The following ITPK1 variants were observed in gnomAD, a reference collection of about 807,000 sequenced individuals.
ITPK1 encodes inositol-tetrakisphosphate 1-kinase.
ITPK1 carries 21 observed loss-of-function variants against 45.3 expected under a neutral mutation model. That is an observed-to-expected ratio of 0.46 (90% CI 0.33 to 0.67). The LOEUF (loss-of-function observed/expected upper bound fraction) is 0.67, where lower values mean the gene tolerates loss of function less well. Among genes scored for constraint, ITPK1 ranks in the 30% least tolerant of loss-of-function variants. The probability of loss-of-function intolerance (pLI) is 0.02; values close to 1 mark genes in which losing one functional copy is unlikely to be tolerated. For synonymous variants in ITPK1, 258 were observed against 253.6 expected, an observed-to-expected ratio of 1.02 and a Z score of -0.16; for missense variants, 474 against 573.5, an observed-to-expected ratio of 0.83 and a Z score of 1.77.
At chr14:93,033,835 G>A (rs149377188) in intron 3 of ITPK1, among the ~76,000 whole-genome samples, 144 of 152,220 alleles carry the variant, frequency 9.5e-4, no homozygotes, top group African/African-American at 3.2e-3. Flanking sequence ...GAGGGCTCTC[G>A]GGCAGCACAG....
intron 3 of ITPK1, among the ~76,000 whole-genome samples, chr14:93,028,238 A>G (rs1360534787): frequency 1.3e-5 from 2 of 152,246 alleles, no homozygotes; most frequent in African/African-American, 4.8e-5. Flanking sequence ...TGGCTGACGA[A>G]AAAGACTTGG....
At chr14:93,112,943 C>G (rs1892809504) in intron 2 of ITPK1, among the ~76,000 whole-genome samples, 1 of 152,242 alleles carries the variant, frequency 6.6e-6, no homozygotes, top group African/African-American at 2.4e-5. Flanking sequence ...TCCCTGGTCA[C>G]TGGCTCAACA....
intron 3 of ITPK1, among the ~76,000 whole-genome samples, chr14:93,025,970 T>C (rs1018640660): frequency 6.6e-6 from 1 of 152,054 alleles, no homozygotes; most frequent in Non-Finnish European, 1.5e-5. Flanking sequence ...TCTAAAAATA[T>C]AAAAAATTAG....
chr14:93,113,698 C>T (rs1892833148), intron 2 of ITPK1, among the ~76,000 whole-genome samples: 1 of 152,194 alleles, frequency 6.6e-6, no homozygotes, highest in Non-Finnish European at 1.5e-5. Context: ...GCTTCGAGCT[C>T]CTCCTGATTT....
At chr14:93,059,664 G>A (rs1309463167) in intron 3 of ITPK1, among the ~76,000 whole-genome samples, 1 of 50,228 alleles carries the variant, frequency 2.0e-5, no homozygotes. Flanking sequence ...TGTGGGTCAC[G>A]GTCACGAGGC....
intron 3 of ITPK1, among the ~76,000 whole-genome samples, chr14:93,062,250 G>A (rs572258079): frequency 2.7e-5 from 4 of 149,632 alleles, no homozygotes; most frequent in Non-Finnish European, 3.0e-5. Flanking sequence ...CAGCCTGGGC[G>A]ACAGAGCGAG....
At chr14:93,090,266 T>C (rs1259439009) in intron 2 of ITPK1, among the ~76,000 whole-genome samples, 1 of 152,130 alleles carries the variant, frequency 6.6e-6, no homozygotes, top group Non-Finnish European at 1.5e-5. Context: ...CACCTGCCCA[T>C]GCTGTCCGCC....
chr14:92,983,803 C>T (rs1379743915), intron 5 of ITPK1, among the ~76,000 whole-genome samples: 3 of 150,032 alleles, frequency 2.0e-5, no homozygotes, highest in South Asian at 4.2e-4. Flanking sequence ...GAGCTGTTTA[C>T]TGCAGCCCAG....
intron 3 of ITPK1, among the ~76,000 whole-genome samples, chr14:93,072,366 C>A (rs936556887): frequency 6.6e-6 from 1 of 151,334 alleles, no homozygotes; most frequent in Non-Finnish European, 1.5e-5. Context: ...TACATCTATA[C>A]AATGAATGGG....
intron 3 of ITPK1, among the ~76,000 whole-genome samples, chr14:93,023,969 G>A (rs75682646): frequency 0.056 from 8,524 of 152,248 alleles, 452 homozygotes; most frequent in African/African-American, 0.13. Context: ...AGAGCTGATA[G>A]GAGCTAACCC....
At position 92,958,125 on chromosome 14, in the gene ITPK1, GGACA is replaced by G. The variant is rs530216575; in HGVS notation, c.670+72_670+75del. ...ACAGGGTGGTTGGGGCAGTGCCGAA[GGACA>G]GACAGCTGCTGCCACATCCCAGCTG... On this transcript the variant is annotated intron_variant, in intron 8 of 10. Transcript: ENST00000267615. The surrounding 1 kb of genome is among the most constrained non-coding windows in gnomAD (Gnocchi z 4.4). 2.1e-3 allele frequency: 3,008 copies of G among 1,460,254 alleles called. 4 individuals carry two copies. Among genetic ancestry groups the G allele is most frequent in the Middle Eastern group, 4.0e-3 (23 of 5,706 alleles). 90.5% of individuals were successfully genotyped at this position (1,460,254 alleles called of 1,614,324 possible).
chr14:93,026,747 T>C (rs1024842402), intron 3 of ITPK1, among the ~76,000 whole-genome samples: 4 of 152,052 alleles, frequency 2.6e-5, no homozygotes, highest in Admixed American at 2.0e-4. Context: ...TGAAGATCCA[T>C]ATGGTGGAAG....
chr14:93,094,724 C>T (rs868755217), intron 2 of ITPK1, among the ~76,000 whole-genome samples: 5 of 152,324 alleles, frequency 3.3e-5, no homozygotes, highest in Non-Finnish European at 4.4e-5. Context: ...GCAGTCACAG[C>T]GTGGGGACGG....
chr14:93,067,497 G>A (rs1479810616), intron 3 of ITPK1: 1 of 151,996 alleles, frequency 6.6e-6, no homozygotes, highest in Non-Finnish European at 1.5e-5. Context: ...CTAGAACTGA[G>A]TGCCACAGGC....
chr14:93,031,019 G>A (rs1204108711), intron 3 of ITPK1, among the ~76,000 whole-genome samples: 2 of 152,194 alleles, frequency 1.3e-5, no homozygotes, highest in East Asian at 3.9e-4. Context: ...AACAGGCCCC[G>A]CTGCCTCGGA....
intron 8 of ITPK1, among the ~76,000 whole-genome samples, chr14:92,957,010 G>A (rs547374129): frequency 1.3e-5 from 2 of 152,280 alleles, no homozygotes; most frequent in East Asian, 3.9e-4. Context: ...ACACCTGCAC[G>A]TTTCCAAAGT....
chr14:93,032,446 T>C lies in ITPK1; in HGVS notation c.121-15645A>G, dbSNP rs1595154364. On this transcript the variant is annotated intron_variant, in intron 3 of 10. Transcript: ENST00000267615. This position sits in a 1 kb window ranked among gnomAD's most constrained non-coding sequence, Gnocchi z 4.0. ...CTCAAAATCATTTGCAAAGACTCGGTTGCGTCAAGCTAAGCAGCAGCAGAA... is the reference window on the plus strand; with the variant it reads ...CTCAAAATCATTTGCAAAGACTCGGCTGCGTCAAGCTAAGCAGCAGCAGAA... Among the ~76,000 whole-genome samples the C allele has an allele frequency of 6.6e-6, 1 of 152,322 alleles. No individual in the cohort carries two copies.
rs749078357 is a variant in ITPK1, at chr14:92,941,249, C to A, written c.*312G>T. Reference sequence around the variant, plus strand: ...ATGTGCACAGACACTGGCATGGCAGCCATACGCACACCCCTCACCTCCCAT... The same window carrying A: ...ATGTGCACAGACACTGGCATGGCAGACATACGCACACCCCTCACCTCCCAT... On this transcript the variant is annotated 3_prime_UTR_variant, in exon 11 of 11. Transcript: ENST00000267615. 5.0e-5 allele frequency: 68 copies of A among 1,347,878 alleles called. 1 individual carries two copies. In the East Asian group the frequency reaches 1.1e-3, roughly 22 times the overall value. The allele number at this position is 1,347,878 out of a possible 1,614,324, so 83.5% of individuals were successfully genotyped here.
In ITPK1 at chr14:93,063,962, C is replaced by G. The variant is rs746790231; in HGVS notation, c.120+12633G>C. ...AAGCAATCCTACTAGGTGCTTACTG[C>G]CCAGACAACAGGGCTGGTGACCTTT... On this transcript the variant is annotated intron_variant, in intron 3 of 10. Transcript: ENST00000267615. The surrounding 1 kb of genome is among the most constrained non-coding windows in gnomAD (Gnocchi z 4.3). Among the ~76,000 whole-genome samples, 8 of 152,108 alleles carry G rather than the reference C, an allele frequency of 5.3e-5. No homozygotes were observed. Among genetic ancestry groups the G allele is most frequent in the Non-Finnish European group, 5.9e-5 (4 of 68,010 alleles).
Sources: allele counts gnomAD v4.1 joint callset (sites outside exome capture counted in the v4.1 genomes callset), GRCh38; gene constraint gnomAD v4.1.1; non-coding constraint Gnocchi (gnomAD v3.1); transcripts MANE v1.5; gene names NCBI Gene and HGNC (gene_info 2026-07-23, HGNC 2026-07-21).